The following PTBP3 variants were observed in gnomAD, a reference collection of about 807,000 sequenced individuals.
PTBP3 encodes the protein polypyrimidine tract-binding protein 3.
Under a neutral mutation model 58.7 loss-of-function variants are expected in PTBP3, and 20 were observed. That is an observed-to-expected ratio of 0.34 (90% confidence interval 0.24 to 0.50). The LOEUF (loss-of-function observed/expected upper bound fraction) is 0.50, where lower values mean the gene tolerates loss of function less well. Among genes scored for constraint, PTBP3 ranks in the 20% least tolerant of loss-of-function variants. PTBP3 has a pLI of 0.98. For missense variants in PTBP3, 509 were observed against 637.2 expected (o/e 0.80, Z 2.17); for synonymous variants, 185 against 219.8 (o/e 0.84, Z 1.40).
At chr9:112,228,356 TTAA>T (rs776453306) in intron 11 of PTBP3, 21 bp downstream of exon 11, 9 of 1,497,504 alleles carry the variant, frequency 6.0e-6, no homozygotes, top group South Asian at 1.2e-5. Flanking sequence ...CACATTATTA[TTAA>T]TAATTATTAA....
intron 4 of PTBP3, among the ~76,000 whole-genome samples, chr9:112,266,474 GT>G (rs1197851880): frequency 6.6e-6 from 1 of 152,096 alleles, no homozygotes; most frequent in Non-Finnish European, 1.5e-5. Flanking sequence ...TACATGCTGT[GT>G]CCCAGCAATT....
intron 1 of PTBP3, among the ~76,000 whole-genome samples, chr9:112,323,656 G>C (rs1478279712): frequency 6.6e-6 from 1 of 152,224 alleles, no homozygotes; most frequent in Non-Finnish European, 1.5e-5. Flanking sequence ...ACTTTCAGTA[G>C]GCTGGACACG....
In PTBP3 at chr9:112,247,309, A is replaced by C. The variant is rs879828637; in HGVS notation, c.802+3620T>G. ...AAATAAATAAATAAATAAATAAATA[A>C]ATAACAATAGTTATGAAAGACACAG... On this transcript the variant is annotated intron_variant, in intron 7 of 13. Transcript: ENST00000374257. Among the ~76,000 whole-genome samples the C allele has an allele frequency of 1.1e-4, 16 of 142,568 alleles. 1 individual carries two copies. The highest frequency in any genetic ancestry group is 2.0e-4 in the Non-Finnish European group (13 of 64,942). The allele number at this position is 142,568 out of a possible 152,430, so 93.5% of individuals were successfully genotyped here.
intron 1 of PTBP3, among the ~76,000 whole-genome samples, chr9:112,331,826 A>C (rs908053281): frequency 1.3e-5 from 2 of 152,240 alleles, no homozygotes; most frequent in Non-Finnish European, 2.9e-5. Context: ...GTAAGTTTGC[A>C]CTTCACAGTT....
intron 10 of PTBP3, among the ~76,000 whole-genome samples, chr9:112,230,900 TG>T (rs1187595612): frequency 2.0e-5 from 3 of 152,240 alleles, no homozygotes; most frequent in Admixed American, 6.5e-5. Context: ...GGCTTCCGAT[TG>T]TTCTTAGGTA....
At position 112,231,962 on chromosome 9, in the gene PTBP3, GAGAA is replaced by G. The variant is rs1564391275; in HGVS notation, c.1020+133_1020+136del. The G allele has an allele frequency of 1.6e-4, 51 of 328,122 alleles. 1 individual carries two copies. Among genetic ancestry groups the G allele is most frequent in the South Asian group, 1.2e-3 (27 of 22,668 alleles). The allele number at this position is 328,122 out of a possible 1,614,324, so 20.3% of individuals were successfully genotyped here. A position where few individuals can be genotyped will look rare whatever the true frequency, so the allele number is the denominator to read the frequency against. On this transcript the variant is annotated intron_variant, in intron 9 of 13. Transcript: ENST00000374257. The stretch of plus-strand genomic sequence containing the variant: ...GAGAAGAGAAGAGAAGAGAAGAGAA[GAGAA>G]GAGAGAAGAGAAGAGAAGAGAAGAG...
chr9:112,332,713 A>C, intron 1 of PTBP3: 1 of 1,570,062 alleles, frequency 6.4e-7, no homozygotes, highest in Non-Finnish European at 8.7e-7. Flanking sequence ...TATTTTGGTC[A>C]CGGACCCCCA....
chr9:112,226,189 T>C (rs1834983308), intron 12 of PTBP3, among the ~76,000 whole-genome samples: 1 of 147,506 alleles, frequency 6.8e-6, no homozygotes, highest in Non-Finnish European at 1.5e-5. Context: ...TTAATCTACT[T>C]TTTTTTTTTT....
chr9:112,350,995 G>A, the PTBP3 span, among the ~76,000 whole-genome samples: 3 of 151,906 alleles, frequency 2.0e-5, no homozygotes, highest in Non-Finnish European at 4.4e-5. Flanking sequence ...ATGTTGGCCA[G>A]CCTGGTCTAG....
intron 5 of PTBP3, among the ~76,000 whole-genome samples, chr9:112,256,249 C>T (rs1236419216): frequency 2.9e-5 from 3 of 104,416 alleles, no homozygotes; most frequent in East Asian, 2.4e-4. Flanking sequence ...AGAGAAACTC[C>T]GTCTCAAAAA....
At chr9:112,321,297 G>A (rs183536599) in intron 1 of PTBP3, among the ~76,000 whole-genome samples, 105 of 152,042 alleles carry the variant, frequency 6.9e-4, no homozygotes, top group Admixed American at 1.4e-3. Context: ...TTGGGAGGCC[G>A]AGAGGGGTGG....
intron 1 of PTBP3, among the ~76,000 whole-genome samples, chr9:112,302,646 T>C (rs943106177): frequency 2.1e-5 from 3 of 145,728 alleles, no homozygotes; most frequent in Admixed American, 7.3e-5. Context: ...TGGAGTACAG[T>C]GACACGATCT....
chr9:112,264,321 A>C (rs1338840327), intron 4 of PTBP3, among the ~76,000 whole-genome samples: 1 of 152,164 alleles, frequency 6.6e-6, no homozygotes, highest in African/African-American at 2.4e-5. Flanking sequence ...CAGATTTATA[A>C]ACTTTCATCC....
the PTBP3 span, chr9:112,379,842 C>T: frequency 3.9e-6 from 2 of 510,480 alleles, no homozygotes; most frequent in South Asian, 2.4e-5. Context: ...TGCCCAGACG[C>T]TAGGCGCCGA....
At chr9:112,363,532 A>ACT in the PTBP3 span, among the ~76,000 whole-genome samples, 122 of 123,494 alleles carry the variant, frequency 9.9e-4, no homozygotes, top group African/African-American at 4.0e-3. Flanking sequence ...ACACACACAC[A>ACT]CACACACACA....
the PTBP3 span, among the ~76,000 whole-genome samples, chr9:112,355,621 C>CTTTTTTTTT: frequency 9.4e-5 from 12 of 127,810 alleles, no homozygotes; most frequent in African/African-American, 1.5e-4. Context: ...AACTCTTTTT[C>CTTTTTTTTT]TTTTTTTTTT....
the PTBP3 span, among the ~76,000 whole-genome samples, chr9:112,374,949 C>T: frequency 6.6e-6 from 1 of 152,194 alleles, no homozygotes; most frequent in Non-Finnish European, 1.5e-5. Flanking sequence ...TTGGTCTCTG[C>T]TGCTGGCAAA....
the PTBP3 span, among the ~76,000 whole-genome samples, chr9:112,370,813 G>A: frequency 1.3e-5 from 2 of 152,154 alleles, no homozygotes; most frequent in Admixed American, 6.5e-5. Context: ...TTTCAGCAAC[G>A]TTTTTTAGTT....
At chr9:112,357,856 A>G in the PTBP3 span, among the ~76,000 whole-genome samples, 1 of 152,168 alleles carries the variant, frequency 6.6e-6, no homozygotes, top group African/African-American at 2.4e-5. Context: ...GACATTTGGC[A>G]ATTTCCAGAG....
Sources: gnomAD v4.1 joint callset for allele counts (sites outside exome capture counted in the v4.1 genomes callset) on GRCh38, gnomAD v4.1.1 for gene constraint, MANE v1.5 for transcripts, NCBI Gene and HGNC (gene_info 2026-07-23, HGNC 2026-07-21) for gene names.